Variants in SLFNL1 observed in about 807,000 individuals in gnomAD.
SLFNL1 encodes the protein schlafen like 1, also known as schlafen-like protein 1.
SLFNL1 carries 26 observed loss-of-function variants against 32.5 expected under a neutral mutation model. The ratio of observed to expected loss-of-function variants is 0.80; its 90% CI spans 0.59 to 1.11. SLFNL1 has a LOEUF of 1.11. Ranked by LOEUF, SLFNL1 falls within the 50% of genes least tolerant of loss-of-function variation. The probability of loss-of-function intolerance (pLI) is 0.00; values close to 1 mark genes in which losing one functional copy is unlikely to be tolerated. For missense variants in SLFNL1, 553 were observed against 546.5 expected, an observed-to-expected ratio of 1.01 and a Z score of -0.12; for synonymous variants, 255 against 242.2, an observed-to-expected ratio of 1.05 and a Z score of -0.49.
At chr1:41,018,857 A>C (rs1571024187) in intron 3 of SLFNL1, among the ~76,000 whole-genome samples, 1 of 90,332 alleles carries the variant, frequency 1.1e-5, no homozygotes, top group Non-Finnish European at 2.1e-5. Flanking sequence ...TTTTTTTGAG[A>C]CAGAGTCTCG....
chr1:41,020,724 T>C lies in SLFNL1; in HGVS notation c.-64A>G, dbSNP rs996425931. 2.0e-6 allele frequency: 3 copies of C among 1,508,192 alleles called. No individual in the cohort carries two copies. The African/African-American group carries it at 4.1e-5, about 21-fold the overall frequency. 93.4% of individuals were successfully genotyped at this position (1,508,192 alleles called of 1,614,324 possible). A position where few individuals can be genotyped will look rare whatever the true frequency, so the allele number is the denominator to read the frequency against. On this transcript the variant is annotated 5_prime_UTR_variant, in exon 3 of 6. Transcript: ENST00000302946. ...ACTGCTGGCTGCTTCTCCCAGGGTCTGTGTTCTCAGTGTGGCTTAAGGGCT... is the reference window on the plus strand; with the variant it reads ...ACTGCTGGCTGCTTCTCCCAGGGTCCGTGTTCTCAGTGTGGCTTAAGGGCT...
chr1:41,017,616 T>C lies in SLFNL1; in HGVS notation c.957+19A>G. On this transcript the variant is annotated intron_variant, in intron 4 of 5. Transcript: ENST00000302946. This position sits in a 1 kb window ranked among gnomAD's most constrained non-coding sequence, Gnocchi z 4.9. ...TGACAGATGACAGGCCCAGAGGCCC[T>C]CCTGTCCTGCAGGCTCACCTTGAGG... 1.3e-6 allele frequency: 2 copies of C among 1,516,362 alleles called. No homozygotes were observed. 93.9% of individuals were successfully genotyped at this position (1,516,362 alleles called of 1,614,324 possible). A position where few individuals can be genotyped will look rare whatever the true frequency, so the allele number is the denominator to read the frequency against.
At position 41,020,386 on chromosome 1, in the gene SLFNL1, G is replaced by C. The variant is rs2148456444; in HGVS notation, c.275C>G (p.Ala92Gly). ...HIEVVRRPRK[A>G]YALVQVTVHR... ...GACAGTCACCTGCACCAGTGCATAG[G>C]CCTTCCGCGGCCGCCTCACCACTTC... The change falls in exon 3 of 6, where the codon GCC (alanine) becomes GGC (glycine). Residue 92 changes from alanine (A) to glycine (G), a missense_variant. Transcript: ENST00000302946. 1 of 1,613,118 alleles carries C rather than the reference G, an allele frequency of 6.2e-7. No homozygotes were observed. Among genetic ancestry groups the C allele is most frequent in the South Asian group, 1.1e-5 (1 of 91,082 alleles).
Position 41,017,644 on chromosome 1 carries a change from G to T in SLFNL1, c.948C>A (p.Val316=). The T allele has an allele frequency of 1.3e-6, 2 of 1,527,384 alleles. No individual in the cohort carries two copies. Among genetic ancestry groups the T allele is most frequent in the East Asian group, 2.3e-5 (1 of 43,918 alleles). 94.6% of individuals were successfully genotyped at this position (1,527,384 alleles called of 1,614,324 possible). Residue 316 remains valine (V), a synonymous_variant, in exon 4 of 6, where the codon GTC becomes GTA. Transcript: ENST00000302946. This position sits in a 1 kb window ranked among gnomAD's most constrained non-coding sequence, Gnocchi z 4.9. ...IPVISTSETS[V]PLKVIRLTVH... ...TGTCCTGCAGGCTCACCTTGAGGGGGACGCTGGTCTCCGAGGTACTGATCA... is the reference window on the plus strand; with the variant it reads ...TGTCCTGCAGGCTCACCTTGAGGGGTACGCTGGTCTCCGAGGTACTGATCA...
Position 41,015,900 on chromosome 1 carries a change from A to C in SLFNL1, c.*206T>G. On this transcript the variant is annotated 3_prime_UTR_variant, in exon 6 of 6. Transcript: ENST00000302946. ...TCTGAAAGTAAGGTCATTTGGGGACAGGGCTGAGAGCAGTTTCTTGGCTAC... is the reference window on the plus strand; with the variant it reads ...TCTGAAAGTAAGGTCATTTGGGGACCGGGCTGAGAGCAGTTTCTTGGCTAC... The C allele has an allele frequency of 1.7e-6, 1 of 581,924 alleles. No individual in the cohort carries two copies. The highest frequency in any genetic ancestry group is 2.9e-6 in the Non-Finnish European group (1 of 341,014). The allele number at this position is 581,924 out of a possible 1,614,324, so 36.0% of individuals were successfully genotyped here. A position where few individuals can be genotyped will look rare whatever the true frequency, so the allele number is the denominator to read the frequency against.
chr1:41,016,463 G>T lies in SLFNL1; in HGVS notation c.1102-235C>A, dbSNP rs1454581488. On this transcript the variant is annotated intron_variant, in intron 5 of 5. Coordinates refer to ENST00000302946, the MANE Select transcript of SLFNL1 (RefSeq NM_144990.4). ...CTCCTCCGTGCTGGGCAGGCCATGT[G>T]CCTCCTCACTGTTGGTCCCTTGTCC... 5 of 553,766 alleles carry T rather than the reference G, an allele frequency of 9.0e-6. No individual in the cohort carries two copies. The African/African-American group carries it at 9.6e-5, about 11-fold the overall frequency. The allele number at this position is 553,766 out of a possible 1,614,324, so 34.3% of individuals were successfully genotyped here.
At chr1:41,018,901 G>A (rs1180880411) in intron 3 of SLFNL1, among the ~76,000 whole-genome samples, 7 of 147,102 alleles carry the variant, frequency 4.8e-5, no homozygotes, top group East Asian at 4.1e-4. Flanking sequence ...GTGCAGTGGC[G>A]TGATCTCGGC....
At chr1:41,016,343 C>G in intron 5 of SLFNL1, 115 bp from the exon 6 acceptor site, 1 of 1,481,258 alleles carries the variant, frequency 6.8e-7, no homozygotes, top group Non-Finnish European at 9.1e-7. Flanking sequence ...TGAGAGCTTT[C>G]TCAGCTAGGG....
chr1:41,018,201 TG>T, intron 3 of SLFNL1, 45 bp from the exon 4 acceptor site: 1 of 1,432,016 alleles, frequency 7.0e-7, no homozygotes, highest in South Asian at 1.5e-5. Flanking sequence ...AGCCAGGAAA[TG>T]GGAGCCCTGA....
rs1452784624 is a variant in SLFNL1, at chr1:41,017,615, C to CT, written c.957+19dup. 2.6e-6 allele frequency: 4 copies of CT among 1,516,478 alleles called. No homozygotes were observed. In the African/African-American group the frequency reaches 4.2e-5, roughly 16 times the overall value. 93.9% of individuals were successfully genotyped at this position (1,516,478 alleles called of 1,614,324 possible). A position where few individuals can be genotyped will look rare whatever the true frequency, so the allele number is the denominator to read the frequency against. On this transcript the variant is annotated intron_variant, in intron 4 of 5. Transcript: ENST00000302946. The surrounding 1 kb of genome is among the most constrained non-coding windows in gnomAD (Gnocchi z 4.9). The stretch of plus-strand genomic sequence containing the variant: ...ATGACAGATGACAGGCCCAGAGGCC[C>CT]TCCTGTCCTGCAGGCTCACCTTGAG...
Position 41,015,901 on chromosome 1 carries a change from G to C in SLFNL1, c.*205C>G. On this transcript the variant is annotated 3_prime_UTR_variant, in exon 6 of 6. Transcript: ENST00000302946. The stretch of plus-strand genomic sequence containing the variant: ...CTGAAAGTAAGGTCATTTGGGGACA[G>C]GGCTGAGAGCAGTTTCTTGGCTACA... The C allele has an allele frequency of 1.7e-6, 1 of 599,130 alleles. No homozygotes were observed. Among genetic ancestry groups the C allele is most frequent in the Non-Finnish European group, 2.8e-6 (1 of 351,898 alleles). 37.1% of individuals were successfully genotyped at this position (599,130 alleles called of 1,614,324 possible). A position where few individuals can be genotyped will look rare whatever the true frequency, so the allele number is the denominator to read the frequency against.
Position 41,019,334 on chromosome 1 carries a change from C to T in SLFNL1, c.435+892G>A, listed in dbSNP as rs1391701819. ...ATGTAAGCCACAGAGCCTTTTAGTTCTGCAACAGTTTAAACACCATCATTT... is the reference window on the plus strand; with the variant it reads ...ATGTAAGCCACAGAGCCTTTTAGTTTTGCAACAGTTTAAACACCATCATTT... On this transcript the variant is annotated intron_variant, in intron 3 of 5. Coordinates refer to ENST00000302946, the MANE Select transcript of SLFNL1 (RefSeq NM_144990.4). Among the ~76,000 whole-genome samples the T allele has an allele frequency of 2.0e-5, 3 of 152,272 alleles. No homozygotes were observed. The East Asian group carries it at 5.8e-4, about 29-fold the overall frequency.
At position 41,017,898 on chromosome 1, in the gene SLFNL1, C is replaced by CT; in HGVS notation, c.693_694insA (p.Gly232ArgfsTer46). 6.2e-6 allele frequency: 10 copies of CT among 1,611,996 alleles called. No homozygotes were observed. Among genetic ancestry groups the CT allele is most frequent in the Non-Finnish European group, 8.5e-6 (10 of 1,179,074 alleles). On this transcript the variant is annotated frameshift_variant, in exon 4 of 6. Transcript: ENST00000302946. LOFTEE classifies it high-confidence loss of function. This position sits in a 1 kb window ranked among gnomAD's most constrained non-coding sequence, Gnocchi z 4.9. ...TTGAAGGCCAGGCTGAGGTACTCGC[C>CT]GCTACCCCGCTTGAACTCCATATTG...
At position 41,017,983 on chromosome 1, in the gene SLFNL1, G is replaced by T. The variant is rs758706343; in HGVS notation, c.609C>A (p.His203Gln). The T allele has an allele frequency of 6.2e-7, 1 of 1,610,132 alleles. No individual in the cohort carries two copies. The highest frequency in any genetic ancestry group is 1.1e-5 in the South Asian group (1 of 90,690). The change falls in exon 4 of 6, where the codon CAC becomes CAA. Residue 203 changes from histidine to glutamine, a missense_variant. His to Gln is a conservative substitution (Grantham distance 24). Transcript: ENST00000302946. This position sits in a 1 kb window ranked among gnomAD's most constrained non-coding sequence, Gnocchi z 4.9. The stretch of plus-strand genomic sequence containing the variant: ...GCTGGTCCTTGCCCACGATCTGCTG[G>T]TGCACAATGGCACTGTCGGAGCACA... Reference protein sequence around the residue: ...SGVCSDSAIVHQQIVGKDQLF... With the variant: ...SGVCSDSAIVQQQIVGKDQLF...
Position 41,020,429 on chromosome 1 carries a change from C to A in SLFNL1, c.232G>T (p.Val78Leu). Reference sequence around the variant, plus strand: ...ACCACTTCAATGTGCTCCCGCGCCACCGGCATCTCCAGCCGCTCCAGGGTG... The same window carrying A: ...ACCACTTCAATGTGCTCCCGCGCCAACGGCATCTCCAGCCGCTCCAGGGTG... ...RDTLERLEMP[V>L]AREHIEVVRR... Residue 78 changes from valine to leucine, a missense_variant, in exon 3 of 6, where the codon GTG becomes TTG. Physicochemically the swap from Val to Leu is conservative, Grantham distance 32. Coordinates refer to ENST00000302946, the MANE Select transcript of SLFNL1 (RefSeq NM_144990.4). 6.2e-7 allele frequency: 1 copy of A among 1,613,116 alleles called. No individual in the cohort carries two copies. Among genetic ancestry groups the A allele is most frequent in the Non-Finnish European group, 8.5e-7 (1 of 1,180,038 alleles).
chr1:41,021,357 T>G (rs1643820895), intron 1 of SLFNL1: 1 of 152,652 alleles, frequency 6.6e-6, no homozygotes, highest in African/African-American at 2.4e-5. Flanking sequence ...TCCTAGACCC[T>G]AAGAACTAGT....
chr1:41,020,996 G>T (rs1301572876), intron 1 of SLFNL1, 126 bp from the exon 2 acceptor site: 1 of 272,844 alleles, frequency 3.7e-6, no homozygotes, highest in Non-Finnish European at 7.1e-6. Flanking sequence ...CATTTCAGTG[G>T]CCCCAGGGGT....
At chr1:41,021,315 G>A (rs1202648313) in intron 1 of SLFNL1, 1 of 152,688 alleles carries the variant, frequency 6.5e-6, no homozygotes, top group Non-Finnish European at 1.5e-5. Flanking sequence ...TCAGAAAAAT[G>A]GCCTTTGCAT....
rs1400649385 is a variant in SLFNL1, at chr1:41,017,387, G to T, written c.958-10C>A. ...CGGTCAGGCGGATCACCTTGGTAGG[G>T]GCAACAGCAGCTCTGGAGGCGCCGC... is the stretch of plus-strand genomic sequence containing the variant. On this transcript the variant is annotated splice_polypyrimidine_tract_variant and intron_variant, in intron 4 of 5. Transcript: ENST00000302946. This position sits in a 1 kb window ranked among gnomAD's most constrained non-coding sequence, Gnocchi z 4.9. 2 of 1,610,838 alleles carry T rather than the reference G, an allele frequency of 1.2e-6. No individual in the cohort carries two copies. Among genetic ancestry groups the T allele is most frequent in the South Asian group, 1.1e-5 (1 of 90,890 alleles).
Sources: allele counts gnomAD v4.1 joint callset (sites outside exome capture counted in the v4.1 genomes callset), GRCh38; gene constraint gnomAD v4.1.1; non-coding constraint Gnocchi (gnomAD v3.1); transcripts MANE v1.5; gene names NCBI Gene and HGNC (gene_info 2026-07-23, HGNC 2026-07-21).